The following MACROD2 variants were observed in gnomAD, a reference collection of about 807,000 sequenced individuals.
MACROD2 encodes the protein mono-ADP ribosylhydrolase 2, also known as ADP-ribose glycohydrolase MACROD2.
In MACROD2, 36 loss-of-function variants were observed where a neutral mutation model predicts 70.4. The observed-to-expected ratio is 0.51, with a 90% CI of 0.39 to 0.68. The LOEUF is 0.68. Among genes scored for constraint, MACROD2 ranks in the 30% least tolerant of loss-of-function variants. The probability of loss-of-function intolerance (pLI) is 0.00; values close to 1 mark genes in which losing one functional copy is unlikely to be tolerated. For missense variants in MACROD2, 496 were observed against 538.4 expected, an observed-to-expected ratio of 0.92 and a Z score of 0.78; for synonymous variants, 172 against 178.8, an observed-to-expected ratio of 0.96 and a Z score of 0.30.
rs146205879 is a variant in MACROD2 at position 15,258,847 on chromosome 20, G to C, written c.540+28786G>C. ...AAGTGATAGAACCAGTTCAAGGAAC[G>C]TTTGCAGAGCTAGATATTCATAGGC... On this transcript the variant is annotated intron_variant, in intron 6 of 17. Transcript: ENST00000684519. Among the ~76,000 whole-genome samples the C allele has an allele frequency of 6.0e-4, 92 of 152,138 alleles. 1 individual carries two copies. The highest frequency in any genetic ancestry group is 6.8e-3 in the Middle Eastern group (2 of 294).
intron 8 of MACROD2, among the ~76,000 whole-genome samples, chr20:15,538,254 G>A (rs1364434887): frequency 6.6e-6 from 1 of 152,162 alleles, no homozygotes; most frequent in African/African-American, 2.4e-5. Flanking sequence ...GTCAGATACT[G>A]GGCTGGGTGC....
At chr20:15,862,983 A>T (rs909488280) in intron 9 of MACROD2, among the ~76,000 whole-genome samples, 157 bp downstream of exon 9, 3 of 151,840 alleles carry the variant, frequency 2.0e-5, no homozygotes, top group African/African-American at 7.3e-5. Context: ...GTAACAGAAA[A>T]TCTAGGCTGT....
At chr20:14,503,927 T>A (rs1303956697) in intron 4 of MACROD2, among the ~76,000 whole-genome samples, 1 of 152,202 alleles carries the variant, frequency 6.6e-6, no homozygotes. Flanking sequence ...ATTCTACATC[T>A]CCATTAGTAC....
intron 5 of MACROD2, among the ~76,000 whole-genome samples, chr20:14,992,400 T>C (rs1005299753): frequency 6.6e-6 from 1 of 152,182 alleles, no homozygotes; most frequent in Non-Finnish European, 1.5e-5. Context: ...GTAAGCAGAC[T>C]TGATTGTCTA....
intron 8 of MACROD2, among the ~76,000 whole-genome samples, chr20:15,689,430 GA>G (rs1231576092): frequency 6.6e-6 from 1 of 152,082 alleles, no homozygotes; most frequent in African/African-American, 2.4e-5. Flanking sequence ...TCTGTGGGGG[GA>G]AAAACAGCAT....
intron 5 of MACROD2, among the ~76,000 whole-genome samples, chr20:14,792,215 G>A (rs1440731868): frequency 1.3e-5 from 2 of 152,022 alleles, no homozygotes; most frequent in Non-Finnish European, 2.9e-5. Flanking sequence ...CATTGGATTA[G>A]CACTAAATTA....
chr20:14,604,406 C>T (rs1982675120), intron 4 of MACROD2, among the ~76,000 whole-genome samples: 1 of 152,264 alleles, frequency 6.6e-6, no homozygotes, highest in South Asian at 2.1e-4. Flanking sequence ...GTATAGGTCC[C>T]TTATTATCTT....
chr20:15,563,623 G>A (rs1362388732), intron 8 of MACROD2, among the ~76,000 whole-genome samples: 2 of 152,124 alleles, frequency 1.3e-5, no homozygotes, highest in African/African-American at 4.8e-5. Flanking sequence ...TCTTTTTTAA[G>A]TTTAAAAGAA....
chr20:14,882,985 G>A (rs2073628049), intron 5 of MACROD2, among the ~76,000 whole-genome samples: 1 of 152,054 alleles, frequency 6.6e-6, no homozygotes, highest in Non-Finnish European at 1.5e-5. Flanking sequence ...TTTGTGATGG[G>A]GTGTTTGGAA....
intron 6 of MACROD2, among the ~76,000 whole-genome samples, chr20:15,317,447 G>A (rs1354549157): frequency 6.6e-6 from 1 of 151,770 alleles, no homozygotes; most frequent in African/African-American, 2.4e-5. Context: ...GTGAAACAGA[G>A]CTAAGAAGAT....
chr20:14,132,248 A>G (rs1052863296), intron 3 of MACROD2, among the ~76,000 whole-genome samples: 4 of 150,700 alleles, frequency 2.7e-5, no homozygotes, highest in African/African-American at 7.3e-5. Flanking sequence ...GGGTCTTGCT[A>G]TGTTGTCTAG....
chr20:15,502,557 G>A (rs577135540), intron 8 of MACROD2, among the ~76,000 whole-genome samples: 142 of 152,214 alleles, frequency 9.3e-4, no homozygotes, highest in African/African-American at 3.3e-3. Context: ...CTGCTCTTCC[G>A]AAAAGGATAT....
intron 4 of MACROD2, among the ~76,000 whole-genome samples, chr20:14,520,867 T>C (rs1396512336): frequency 6.6e-6 from 1 of 152,140 alleles, no homozygotes; most frequent in African/African-American, 2.4e-5. Context: ...AGAAGCTTCT[T>C]TCTTCAATCA....
chr20:15,931,510 C>T (rs912963158), intron 10 of MACROD2, among the ~76,000 whole-genome samples: 1 of 151,984 alleles, frequency 6.6e-6, no homozygotes, highest in African/African-American at 2.4e-5. Flanking sequence ...GGCTTGGTGG[C>T]ATGTGCCTTG....
At chr20:15,518,992 G>A (rs1193860511) in intron 8 of MACROD2, among the ~76,000 whole-genome samples, 6 of 151,822 alleles carry the variant, frequency 4.0e-5, no homozygotes, top group Admixed American at 6.6e-5. Context: ...TCTATGTGCC[G>A]GACATTGTGC....
chr20:15,734,928 C>T (rs2050998994), intron 8 of MACROD2, among the ~76,000 whole-genome samples: 1 of 151,974 alleles, frequency 6.6e-6, no homozygotes, highest in Non-Finnish European at 1.5e-5. Flanking sequence ...AAAATGAGAA[C>T]ATTTTACCTG....
chr20:15,313,307 C>T (rs930342934), intron 6 of MACROD2, among the ~76,000 whole-genome samples: 23 of 151,868 alleles, frequency 1.5e-4, no homozygotes, highest in Non-Finnish European at 3.2e-4. Context: ...GAGATCGAGA[C>T]CATCCTGGCT....
At chr20:14,039,836 A>G (rs1299654045) in intron 2 of MACROD2, among the ~76,000 whole-genome samples, 1 of 151,992 alleles carries the variant, frequency 6.6e-6, no homozygotes, top group Non-Finnish European at 1.5e-5. Flanking sequence ...ATGACCATTA[A>G]AACAGGAATA....
chr20:15,875,912 T>C (rs936089820), intron 9 of MACROD2, among the ~76,000 whole-genome samples: 2 of 151,716 alleles, frequency 1.3e-5, no homozygotes, highest in Admixed American at 6.6e-5. Context: ...GTTGAAAACA[T>C]TGAGGCAAAT....
Sources: allele counts gnomAD v4.1 joint callset (sites outside exome capture counted in the v4.1 genomes callset), GRCh38; gene constraint gnomAD v4.1.1; transcripts MANE v1.5; gene names NCBI Gene and HGNC (gene_info 2026-07-23, HGNC 2026-07-21).